ROBO1: variants seen among roughly 807,000 people sequenced by gnomAD.
ROBO1 encodes the protein roundabout guidance receptor 1.
Under a neutral mutation model 195.9 loss-of-function variants are expected in ROBO1, and 149 were observed. The ratio of observed to expected loss-of-function variants is 0.76; its 90% CI spans 0.67 to 0.87. The LOEUF is 0.87. ROBO1 is among the 40% of genes least tolerant of loss of function. The pLI is 0.00. For synonymous variants in ROBO1, 816 were observed against 733.2 expected (o/e 1.11, Z -1.82); for missense variants, 1,933 against 2,068.3 (o/e 0.93, Z 1.27).
At chr3:79,616,449 A>G (rs1944822216) in intron 1 of ROBO1, among the ~76,000 whole-genome samples, 4 of 152,112 alleles carry the variant, frequency 2.6e-5, no homozygotes, top group Admixed American at 2.6e-4. Context: ...GGATCCCAAG[A>G]GATTTAGCCC....
chr3:78,717,286 C>T lies in ROBO1; in HGVS notation c.906G>A (p.Leu302=). 2 of 1,571,988 alleles carry T rather than the reference C, an allele frequency of 1.3e-6. No individual in the cohort carries two copies. Among genetic ancestry groups the T allele is most frequent in the Non-Finnish European group, 1.7e-6 (2 of 1,163,586 alleles). ...ACTCTGATGTGTACCTGGATTTGGGCAGCTCTCCATCATCTTTCCTCCATC... is the reference window on the plus strand; with the variant it reads ...ACTCTGATGTGTACCTGGATTTGGGTAGCTCTCCATCATCTTTCCTCCATC... The part of the protein sequence containing the change: ...TVRWRKDDGE[L]PKSRYEIRDD... Residue 302 remains leucine, a synonymous_variant, in exon 7 of 31, where the codon CTG becomes CTA. Coordinates refer to ENST00000464233, the MANE Select transcript of ROBO1 (RefSeq NM_002941.4).
In ROBO1 at chr3:78,938,683, T is replaced by C. The variant is rs1414424070; in HGVS notation, c.417A>G (p.Arg139=). The change falls in exon 4 of 31, where the codon AGA becomes AGG. Residue 139 remains arginine, a synonymous_variant. Transcript: ENST00000464233. ...FLRIVHGRKS[R]PDEGVYVCVA... is the part of the protein sequence containing the mutation. ...CACAGACATAGACTCCTTCATCAGG[T>C]CTACTTTTCCGTCCATGTACTATAC... The C allele has an allele frequency of 6.2e-7, 1 of 1,614,010 alleles. No homozygotes were observed. Among genetic ancestry groups the C allele is most frequent in the Non-Finnish European group, 8.5e-7 (1 of 1,179,892 alleles).
At chr3:79,491,875 G>C (rs1939475336) in intron 2 of ROBO1, among the ~76,000 whole-genome samples, 1 of 151,710 alleles carries the variant, frequency 6.6e-6, no homozygotes, top group Non-Finnish European at 1.5e-5. Context: ...TTTGAGATTT[G>C]GAAATGGCTG....
intron 2 of ROBO1, among the ~76,000 whole-genome samples, chr3:79,133,472 G>A (rs1232321701): frequency 4.2e-4 from 46 of 108,710 alleles, no homozygotes; most frequent in African/African-American, 1.3e-3. Flanking sequence ...CCAGTTGATC[G>A]CATCGGCTCC....
intron 2 of ROBO1, among the ~76,000 whole-genome samples, chr3:79,200,208 TGTG>T (rs1369575636): frequency 6.6e-6 from 1 of 151,770 alleles, no homozygotes; most frequent in Non-Finnish European, 1.5e-5. Flanking sequence ...AACGCAGTCT[TGTG>T]GTTAGCAATT....
At chr3:79,470,984 T>C (rs1437993579) in intron 2 of ROBO1, among the ~76,000 whole-genome samples, 3 of 152,152 alleles carry the variant, frequency 2.0e-5, no homozygotes, top group Admixed American at 2.0e-4. Flanking sequence ...TAATTTATTG[T>C]GTATATACTG....
intron 3 of ROBO1, among the ~76,000 whole-genome samples, chr3:79,000,184 CATCCTTCA>C (rs2077465740): frequency 2.0e-5 from 3 of 152,130 alleles, no homozygotes; most frequent in Admixed American, 2.0e-4. Flanking sequence ...AAGGCAAATA[CATCCTTCA>C]CATGGCAGCA....
At chr3:79,616,638 T>C (rs948752006) in intron 1 of ROBO1, among the ~76,000 whole-genome samples, 2 of 152,064 alleles carry the variant, frequency 1.3e-5, no homozygotes, top group Non-Finnish European at 1.5e-5. Flanking sequence ...AAGGGGAGTG[T>C]TGCTCCATTC....
Position 78,693,311 on chromosome 3 carries a change from C to T in ROBO1, c.1046-4539G>A, listed in dbSNP as rs182147375. ...AAGAGAAGTTCCAGTCACAGTGACA[C>T]GGTGATGAGAAGATGGCCAATAAAA... On this transcript the variant is annotated intron_variant, in intron 8 of 30. Coordinates refer to ENST00000464233, the MANE Select transcript of ROBO1 (RefSeq NM_002941.4). 234 of 1,549,232 alleles carry T rather than the reference C, an allele frequency of 1.5e-4. 2 individuals are homozygous for T. Among genetic ancestry groups the T allele is most frequent in the Middle Eastern group, 1.7e-4 (1 of 5,994 alleles).
Position 78,614,843 on chromosome 3 carries a change from G to A in ROBO1, c.4283-43C>T, listed in dbSNP as rs992357551. 3.3e-6 allele frequency: 5 copies of A among 1,510,730 alleles called. No individual in the cohort carries two copies. The African/African-American group carries it at 7.0e-5, about 21-fold the overall frequency. The allele number at this position is 1,510,730 out of a possible 1,614,324, so 93.6% of individuals were successfully genotyped here. ...AAAAATCCAAGCCAAACTCATCAGTGAATTTTAATTACAACAGGAACAACA... is the reference window on the plus strand; with the variant it reads ...AAAAATCCAAGCCAAACTCATCAGTAAATTTTAATTACAACAGGAACAACA... On this transcript the variant is annotated intron_variant, in intron 27 of 30. Transcript: ENST00000464233.
intron 2 of ROBO1, among the ~76,000 whole-genome samples, chr3:79,256,230 T>C (rs2082830999): frequency 6.6e-6 from 1 of 152,306 alleles, no homozygotes; most frequent in Non-Finnish European, 1.5e-5. Flanking sequence ...AACCACATAA[T>C]ACTTTCTAAG....
At position 78,926,949 on chromosome 3, in the gene ROBO1, T is replaced by C. The variant is rs564331409; in HGVS notation, c.499+11652A>G. Among the ~76,000 whole-genome samples the C allele has an allele frequency of 2.6e-5, 4 of 152,192 alleles. No homozygotes were observed. The South Asian group carries it at 8.3e-4, about 32-fold the overall frequency. On this transcript the variant is annotated intron_variant, in intron 4 of 30. Coordinates refer to ENST00000464233, the MANE Select transcript of ROBO1 (RefSeq NM_002941.4). ...ATGAAAGTTGGATGCAATCCTGATA[T>C]AGCTGGGTGCCATGAAATTCTAGGA...
At chr3:79,617,837 A>AG (rs1373862229) in intron 1 of ROBO1, among the ~76,000 whole-genome samples, 1 of 150,784 alleles carries the variant, frequency 6.6e-6, no homozygotes, top group Non-Finnish European at 1.5e-5. Context: ...AAAAAAAAAA[A>AG]AAAGAGCAAT....
intron 2 of ROBO1, among the ~76,000 whole-genome samples, chr3:79,416,518 C>A (rs1446811432): frequency 6.8e-6 from 1 of 147,298 alleles, no homozygotes; most frequent in Non-Finnish European, 1.5e-5. Flanking sequence ...TGATGTGGGA[C>A]GATTGTTTGA....
rs145932071 is a variant in ROBO1 at position 78,980,613 on chromosome 3, C to T, written c.173-41686G>A. Among the ~76,000 whole-genome samples the T allele has an allele frequency of 3.9e-3, 590 of 152,152 alleles. 5 individuals carry two copies. Among genetic ancestry groups the T allele is most frequent in the African/African-American group, 0.013 (541 of 41,508 alleles). On this transcript the variant is annotated intron_variant, in intron 3 of 30. Transcript: ENST00000464233. ...TCTGATATTCATTTAACACAAACAC[C>T]GTAACAATAACTACTAGTGTTTGTA... is the stretch of plus-strand genomic sequence containing the variant.
chr3:78,953,591 C>T (rs1349822040), intron 3 of ROBO1, among the ~76,000 whole-genome samples: 1 of 151,846 alleles, frequency 6.6e-6, no homozygotes, highest in South Asian at 2.1e-4. Flanking sequence ...AAGAGCCATA[C>T]AAGAGAAGAC....
chr3:79,530,565 G>A (rs1941607330), intron 2 of ROBO1, among the ~76,000 whole-genome samples: 1 of 152,018 alleles, frequency 6.6e-6, no homozygotes, highest in Admixed American at 6.6e-5. Context: ...CCATAACCAA[G>A]TCTGCTCAAT....
In ROBO1 at chr3:79,601,251, G is replaced by T. The variant is rs116494766; in HGVS notation, c.-50-11290C>A. On this transcript the variant is annotated intron_variant, in intron 1 of 30. Coordinates refer to ENST00000464233, the MANE Select transcript of ROBO1 (RefSeq NM_002941.4). Reference sequence around the variant, plus strand: ...CAGGAAGGAAAGAATCTTTATGTCTGAAAAACAATAGATGGTTTCATTCGG... The same window carrying T: ...CAGGAAGGAAAGAATCTTTATGTCTTAAAAACAATAGATGGTTTCATTCGG... Among the ~76,000 whole-genome samples the T allele has an allele frequency of 1.8e-3, 281 of 152,078 alleles. 2 individuals carry two copies. The highest frequency in any genetic ancestry group is 5.1e-3 in the African/African-American group (213 of 41,538).
intron 2 of ROBO1, among the ~76,000 whole-genome samples, chr3:79,287,979 G>T (rs1436549488): frequency 6.6e-6 from 1 of 151,972 alleles, no homozygotes; most frequent in Non-Finnish European, 1.5e-5. Context: ...TGAAACAAAA[G>T]AATGCCTAAC....
Sources: gnomAD v4.1 joint callset for allele counts (sites outside exome capture counted in the v4.1 genomes callset) on GRCh38, gnomAD v4.1.1 for gene constraint, MANE v1.5 for transcripts, NCBI Gene and HGNC (gene_info 2026-07-23, HGNC 2026-07-21) for gene names.